The following MCTP1 variants were observed in gnomAD, a reference collection of about 807,000 sequenced individuals.
MCTP1 encodes the protein multiple C2 and transmembrane domain-containing protein 1.
A neutral mutation model predicts 120.6 loss-of-function variants in MCTP1; 69 were observed. The observed-to-expected ratio is 0.57, with a 90% CI of 0.47 to 0.70. MCTP1 has a LOEUF of 0.70. Ranked by LOEUF, MCTP1 falls within the 30% of genes least tolerant of loss-of-function variation. MCTP1 has a pLI of 0.00. For missense variants in MCTP1, 1,203 were observed against 1,248.8 expected, an observed-to-expected ratio of 0.96 and a Z score of 0.55; for synonymous variants, 529 against 493.1, an observed-to-expected ratio of 1.07 and a Z score of -0.96.
At chr5:94,725,163 G>A (rs1453332068) in intron 19 of MCTP1, among the ~76,000 whole-genome samples, 1 of 152,144 alleles carries the variant, frequency 6.6e-6, no homozygotes, top group East Asian at 1.9e-4. Flanking sequence ...AGGATTACAG[G>A]TCACTGCCTG....
intron 10 of MCTP1, among the ~76,000 whole-genome samples, chr5:94,902,610 C>T (rs944144689): frequency 2.6e-5 from 4 of 152,106 alleles, no homozygotes; most frequent in Admixed American, 6.5e-5. Context: ...TTTACATTTG[C>T]ATAATATAAC....
At chr5:95,103,630 T>C (rs1189849777) in intron 1 of MCTP1, among the ~76,000 whole-genome samples, 1 of 152,188 alleles carries the variant, frequency 6.6e-6, no homozygotes, top group Non-Finnish European at 1.5e-5. Context: ...CAGTTGCTTT[T>C]TAAGTAGGGG....
intron 3 of MCTP1, among the ~76,000 whole-genome samples, chr5:94,944,807 C>G (rs1046914621): frequency 6.6e-6 from 1 of 152,140 alleles, no homozygotes; most frequent in Non-Finnish European, 1.5e-5. Context: ...GTTCCAAGCT[C>G]TACACACTAT....
At chr5:95,045,573 G>A (rs1843007356) in intron 1 of MCTP1, among the ~76,000 whole-genome samples, 1 of 152,102 alleles carries the variant, frequency 6.6e-6, no homozygotes, top group Non-Finnish European at 1.5e-5. Context: ...CTAGGCAATT[G>A]GTGAAGTGTC....
At chr5:94,936,723 T>C (rs1284318971) in intron 5 of MCTP1, among the ~76,000 whole-genome samples, 2 of 152,108 alleles carry the variant, frequency 1.3e-5, no homozygotes, top group African/African-American at 4.8e-5. Flanking sequence ...AAAATAGTTA[T>C]AGAACTGCAA....
At chr5:95,110,694 A>G (rs903789921) in intron 1 of MCTP1, among the ~76,000 whole-genome samples, 1 of 152,114 alleles carries the variant, frequency 6.6e-6, no homozygotes, top group South Asian at 2.1e-4. Context: ...CGAGTATACC[A>G]ATTTTACTAT....
chr5:94,797,089 A>G (rs987680246), intron 18 of MCTP1, among the ~76,000 whole-genome samples: 2 of 152,270 alleles, frequency 1.3e-5, no homozygotes, highest in Non-Finnish European at 2.9e-5. Context: ...AAATTATATG[A>G]TATGCAATTT....
intron 1 of MCTP1, among the ~76,000 whole-genome samples, chr5:95,082,638 C>G (rs760976237): frequency 9.2e-5 from 14 of 152,054 alleles, no homozygotes; most frequent in Non-Finnish European, 2.1e-4. Context: ...GTAATGGTTA[C>G]CCTAGTATGT....
intron 1 of MCTP1, among the ~76,000 whole-genome samples, chr5:95,209,340 C>T (rs1425660024): frequency 6.6e-6 from 1 of 152,202 alleles, no homozygotes; most frequent in African/African-American, 2.4e-5. Flanking sequence ...TCCATGGTCT[C>T]TGAACTATTT....
chr5:94,980,263 T>A (rs570577508), intron 2 of MCTP1, among the ~76,000 whole-genome samples: 2 of 152,266 alleles, frequency 1.3e-5, no homozygotes, highest in African/African-American at 4.8e-5. Flanking sequence ...AAATGATTCA[T>A]CTTCCCACTT....
intron 19 of MCTP1, among the ~76,000 whole-genome samples, chr5:94,743,485 C>T (rs1452987142): frequency 2.0e-5 from 3 of 152,066 alleles, no homozygotes; most frequent in Admixed American, 6.6e-5. Context: ...AGGAGCTATC[C>T]GACACAAACG....
chr5:95,223,188 A>T (rs962438828), intron 1 of MCTP1, among the ~76,000 whole-genome samples: 2 of 152,184 alleles, frequency 1.3e-5, no homozygotes, highest in Non-Finnish European at 2.9e-5. Context: ...GTGGTGGCTC[A>T]CGTCTATAAT....
intron 10 of MCTP1, among the ~76,000 whole-genome samples, chr5:94,908,609 G>C (rs1340332809): frequency 6.6e-6 from 1 of 151,792 alleles, no homozygotes; most frequent in East Asian, 1.9e-4. Flanking sequence ...TTGCTACAAA[G>C]ACACATATAT....
chr5:94,877,211 C>T (rs1799077525), intron 12 of MCTP1, among the ~76,000 whole-genome samples: 1 of 152,056 alleles, frequency 6.6e-6, no homozygotes, highest in African/African-American at 2.4e-5. Context: ...AGTAGGCTGA[C>T]ATTTTACGAT....
chr5:95,155,264 T>C (rs1744987460), intron 1 of MCTP1, among the ~76,000 whole-genome samples: 1 of 151,964 alleles, frequency 6.6e-6, no homozygotes, highest in African/African-American at 2.4e-5. Flanking sequence ...AGGCATATAG[T>C]AGAGGTAGAT....
At chr5:95,112,398 G>A (rs1757526788) in intron 1 of MCTP1, among the ~76,000 whole-genome samples, 1 of 152,116 alleles carries the variant, frequency 6.6e-6, no homozygotes, top group African/African-American at 2.4e-5. Flanking sequence ...ACATTTGAAA[G>A]CCAGAATATT....
At chr5:94,815,120 T>C (rs1282222995) in intron 17 of MCTP1, among the ~76,000 whole-genome samples, 1 of 152,138 alleles carries the variant, frequency 6.6e-6, no homozygotes, top group African/African-American at 2.4e-5. Flanking sequence ...GGTTTGTTTT[T>C]CTCAATATAT....
At chr5:95,204,540 G>A (rs1751414325) in intron 1 of MCTP1, among the ~76,000 whole-genome samples, 1 of 152,090 alleles carries the variant, frequency 6.6e-6, no homozygotes, top group Non-Finnish European at 1.5e-5. Context: ...ATTACCAAGA[G>A]AATAATATGA....
chr5:95,197,285 C>A (rs996026077), intron 1 of MCTP1, among the ~76,000 whole-genome samples: 3 of 152,120 alleles, frequency 2.0e-5, no homozygotes, highest in Non-Finnish European at 2.9e-5. Context: ...ATCTGCTAAA[C>A]AAATTAATTT....
Sources: gnomAD v4.1 joint callset for allele counts (sites outside exome capture counted in the v4.1 genomes callset) on GRCh38, gnomAD v4.1.1 for gene constraint, MANE v1.5 for transcripts, NCBI Gene and HGNC (gene_info 2026-07-23, HGNC 2026-07-21) for gene names.